Variants in UNC5C observed in about 807,000 individuals in gnomAD.
The protein encoded by UNC5C is unc-5 netrin receptor C.
In UNC5C, 47 loss-of-function variants were observed where a neutral mutation model predicts 99.8. The ratio of observed to expected loss-of-function variants is 0.47; its 90% CI spans 0.37 to 0.60. UNC5C has a LOEUF of 0.60. UNC5C is among the 20% of genes least tolerant of loss of function. The pLI, the probability that UNC5C is intolerant of heterozygous loss-of-function variation, is 0.00. For synonymous variants in UNC5C, 487 were observed against 452.2 expected, an observed-to-expected ratio of 1.08 and a Z score of -0.98; for missense variants, 1,062 against 1,165.9, an observed-to-expected ratio of 0.91 and a Z score of 1.30.
intron 1 of UNC5C, among the ~76,000 whole-genome samples, chr4:95,409,348 C>T (rs1303681241): frequency 6.6e-6 from 1 of 152,166 alleles, no homozygotes; most frequent in Non-Finnish European, 1.5e-5. Context: ...TCACTCCCAA[C>T]CTGCAGACAT....
intron 1 of UNC5C, among the ~76,000 whole-genome samples, chr4:95,439,385 T>TTG (rs982878952): frequency 6.8e-6 from 1 of 147,574 alleles, no homozygotes; most frequent in African/African-American, 2.5e-5. Flanking sequence ...AGGTTTTGGT[T>TTG]TTTTTTTTTT....
chr4:95,389,187 A>C (rs1745289213), intron 1 of UNC5C, among the ~76,000 whole-genome samples: 1 of 152,188 alleles, frequency 6.6e-6, no homozygotes, highest in Non-Finnish European at 1.5e-5. Flanking sequence ...TGGTTATACA[A>C]ACCCACAAAA....
At chr4:95,251,616 C>A (rs1163806036) in intron 4 of UNC5C, among the ~76,000 whole-genome samples, 1 of 152,158 alleles carries the variant, frequency 6.6e-6, no homozygotes, top group Non-Finnish European at 1.5e-5. Context: ...AGCAAAACAA[C>A]AAACAACGTT....
At chr4:95,272,247 A>C (rs771158663) in intron 4 of UNC5C, among the ~76,000 whole-genome samples, 19 of 152,204 alleles carry the variant, frequency 1.2e-4, no homozygotes, top group Non-Finnish European at 2.5e-4. Context: ...AACCAGAAAA[A>C]TGTCTGGCAT....
intron 1 of UNC5C, among the ~76,000 whole-genome samples, chr4:95,466,638 G>A (rs1220886248): frequency 6.6e-6 from 1 of 151,882 alleles, no homozygotes; most frequent in African/African-American, 2.4e-5. Context: ...CTATCTGCCA[G>A]GTTCTATGCT....
chr4:95,338,486 C>G (rs1198686123), intron 1 of UNC5C, among the ~76,000 whole-genome samples: 1 of 151,978 alleles, frequency 6.6e-6, no homozygotes, highest in Non-Finnish European at 1.5e-5. Context: ...ACTATTTATC[C>G]TACATGAATA....
intron 1 of UNC5C, among the ~76,000 whole-genome samples, chr4:95,441,240 AT>A (rs1275154852): frequency 6.6e-6 from 1 of 152,182 alleles, no homozygotes; most frequent in African/African-American, 2.4e-5. Context: ...TCATGTTTCT[AT>A]TCATTCCTGA....
intron 1 of UNC5C, among the ~76,000 whole-genome samples, chr4:95,446,937 A>G (rs1219532792): frequency 2.0e-5 from 3 of 152,150 alleles, no homozygotes; most frequent in Non-Finnish European, 4.4e-5. Flanking sequence ...ATCATTCCCT[A>G]TGCACAGCTT....
chr4:95,391,724 A>G (rs1266239283), intron 1 of UNC5C, among the ~76,000 whole-genome samples: 1 of 151,284 alleles, frequency 6.6e-6, no homozygotes, highest in African/African-American at 2.4e-5. Flanking sequence ...ACCATGCTCT[A>G]CAAAATATAA....
intron 1 of UNC5C, among the ~76,000 whole-genome samples, chr4:95,395,516 G>C (rs1429777906): frequency 6.6e-6 from 1 of 152,182 alleles, no homozygotes; most frequent in African/African-American, 2.4e-5. Context: ...TAAGGGTATA[G>C]CTGCCTGAGA....
chr4:95,265,812 G>A (rs554090683), intron 4 of UNC5C, among the ~76,000 whole-genome samples: 33 of 152,262 alleles, frequency 2.2e-4, no homozygotes, highest in East Asian at 1.4e-3. Flanking sequence ...GCAGCCTTGC[G>A]CAGGCTATAA....
At chr4:95,212,849 C>A (rs1738120199) in intron 10 of UNC5C, among the ~76,000 whole-genome samples, 1 of 152,178 alleles carries the variant, frequency 6.6e-6, no homozygotes, top group Non-Finnish European at 1.5e-5. Context: ...GAAATACTTT[C>A]TCTTCTGAAA....
chr4:95,533,296 G>A (rs1032691951), intron 1 of UNC5C, among the ~76,000 whole-genome samples: 3 of 151,888 alleles, frequency 2.0e-5, no homozygotes, highest in African/African-American at 7.3e-5. Context: ...CGACTTGGGA[G>A]GCCGAGGAAG....
intron 1 of UNC5C, among the ~76,000 whole-genome samples, chr4:95,445,048 C>T (rs780350451): frequency 2.6e-5 from 4 of 151,996 alleles, no homozygotes; most frequent in African/African-American, 7.3e-5. Context: ...GGAAGGAGAG[C>T]GCGAATCCAA....
At chr4:95,513,537 A>G (rs924443654) in intron 1 of UNC5C, among the ~76,000 whole-genome samples, 3 of 152,184 alleles carry the variant, frequency 2.0e-5, no homozygotes, top group Admixed American at 6.6e-5. Flanking sequence ...AGTAAATCAT[A>G]TTAATTTCCT....
At chr4:95,480,488 G>A (rs972285439) in intron 1 of UNC5C, among the ~76,000 whole-genome samples, 1 of 151,746 alleles carries the variant, frequency 6.6e-6, no homozygotes, top group Non-Finnish European at 1.5e-5. Flanking sequence ...TTTTCTCAAA[G>A]ACCACCCTAT....
chr4:95,408,989 C>T (rs945666066), intron 1 of UNC5C, among the ~76,000 whole-genome samples: 1 of 152,030 alleles, frequency 6.6e-6, no homozygotes, highest in Admixed American at 6.6e-5. Flanking sequence ...ACCCATGATC[C>T]GAATTTACAA....
intron 1 of UNC5C, among the ~76,000 whole-genome samples, chr4:95,513,583 C>T (rs566381249): frequency 6.6e-6 from 1 of 152,144 alleles, no homozygotes; most frequent in South Asian, 2.1e-4. Flanking sequence ...TATCAAGACA[C>T]ATGAAGACAA....
At chr4:95,309,892 A>G (rs908633157) in intron 2 of UNC5C, among the ~76,000 whole-genome samples, 3 of 152,234 alleles carry the variant, frequency 2.0e-5, no homozygotes, top group African/African-American at 7.2e-5. Flanking sequence ...AAAACAAAAC[A>G]GAAATAAAAC....
Sources: gnomAD v4.1 joint callset for allele counts (sites outside exome capture counted in the v4.1 genomes callset) on GRCh38, gnomAD v4.1.1 for gene constraint, MANE v1.5 for transcripts, NCBI Gene and HGNC (gene_info 2026-07-23, HGNC 2026-07-21) for gene names.